The following EPHA7 variants were observed in gnomAD, a reference collection of about 807,000 sequenced individuals.
The protein encoded by EPHA7 is ephrin type-A receptor 7.
In EPHA7, 25 loss-of-function variants were observed where a neutral mutation model predicts 112.6. That is an observed-to-expected ratio of 0.22 (90% CI 0.16 to 0.31). The LOEUF (loss-of-function observed/expected upper bound fraction) is 0.31, where lower values mean the gene tolerates loss of function less well. Among genes scored for constraint, EPHA7 ranks in the 10% least tolerant of loss-of-function variants. The pLI is 1.00. For synonymous variants in EPHA7, 437 were observed against 406.5 expected, an observed-to-expected ratio of 1.07 and a Z score of -0.90; for missense variants, 962 against 1,212.6, an observed-to-expected ratio of 0.79 and a Z score of 3.07.
Position 93,255,946 on chromosome 6 carries a change from A to G in EPHA7, c.2264T>C (p.Val755Ala). The G allele has an allele frequency of 6.2e-7, 1 of 1,614,098 alleles. No individual in the cohort carries two copies. ...ATTGCGAGCTGCAAGGTCCCTGTGA[A>G]CATATCCCATATCAGCCAAATATCT... is the stretch of plus-strand genomic sequence containing the variant. ...GMRYLADMGY[V>A]HRDLAARNIL... Residue 755 changes from valine to alanine, a missense_variant, in exon 13 of 17, where the codon GTT becomes GCT. This residue lies in a region of EPHA7 where 746 missense variants were observed against 889.2 expected (regional missense o/e 0.84). Coordinates refer to ENST00000369303, the MANE Select transcript of EPHA7 (RefSeq NM_004440.4).
Position 93,258,217 on chromosome 6 carries a change from T to C in EPHA7, c.1992A>G (p.Ile664Met), listed in dbSNP as rs1770527266. The C allele has an allele frequency of 1.9e-6, 3 of 1,613,422 alleles. No homozygotes were observed. Among genetic ancestry groups the C allele is most frequent in the African/African-American group, 1.3e-5 (1 of 74,994 alleles). ...LPGKRDVAVA[I>M]KTLKVGYTEK... is the part of the protein sequence containing the mutation. ...CTGTGTAACCAACTTTCAGGGTTTT[T>C]ATGGCTACTGCAACATCTCTTTTCC... The change falls in exon 11 of 17, where the codon ATA (isoleucine) becomes ATG (methionine). Residue 664 changes from isoleucine to methionine, a missense_variant. By Grantham distance (10) the Ile-to-Met change is conservative. Around this residue, in one of 3 missense-constraint regions of EPHA7, gnomAD observed 746 missense variants for 889.2 expected, o/e 0.84. Coordinates refer to ENST00000369303, the MANE Select transcript of EPHA7 (RefSeq NM_004440.4).
At chr6:93,358,101 T>C (rs1292951670) in intron 4 of EPHA7, among the ~76,000 whole-genome samples, 155 bp downstream of exon 4, 2 of 152,162 alleles carry the variant, frequency 1.3e-5, no homozygotes, top group African/African-American at 4.8e-5. Flanking sequence ...TATCTGCTTA[T>C]GAAAGAAAAT....
chr6:93,263,007 A>G (rs113314777), intron 9 of EPHA7, among the ~76,000 whole-genome samples: 3 of 151,386 alleles, frequency 2.0e-5, no homozygotes, highest in African/African-American at 7.2e-5. Flanking sequence ...TGTCATGGGA[A>G]ATTTATCTAC....
intron 5 of EPHA7, among the ~76,000 whole-genome samples, chr6:93,333,605 T>C (rs570335809): frequency 6.6e-6 from 1 of 151,926 alleles, no homozygotes; most frequent in Non-Finnish European, 1.5e-5. Context: ...GCAATTCTGA[T>C]TTGCATTTCT....
intron 5 of EPHA7, among the ~76,000 whole-genome samples, chr6:93,283,474 CT>C (rs990652350): frequency 2.6e-5 from 4 of 152,112 alleles, no homozygotes; most frequent in Non-Finnish European, 4.4e-5. Context: ...GCTGCTCACT[CT>C]TTTGGGTCCA....
chr6:93,397,089 G>A (rs1202185363), intron 3 of EPHA7, among the ~76,000 whole-genome samples: 1 of 151,380 alleles, frequency 6.6e-6, no homozygotes, highest in African/African-American at 2.4e-5. Context: ...CAAAAGCTTT[G>A]TTCTAGATGT....
chr6:93,405,813 GTATATATATATATATATATATATA>G (rs60882775), intron 3 of EPHA7, among the ~76,000 whole-genome samples: 5 of 73,998 alleles, frequency 6.8e-5, no homozygotes, highest in East Asian at 6.1e-4. Context: ...GTGTGTGTGT[GTATATATATATATATATATATATA>G]TATATATATA....
chr6:93,388,665 G>C (rs1039920443), intron 3 of EPHA7, among the ~76,000 whole-genome samples: 3 of 152,104 alleles, frequency 2.0e-5, no homozygotes, highest in Non-Finnish European at 2.9e-5. Context: ...GGGGAGAATA[G>C]TGAAGGGTGA....
At chr6:93,378,285 T>C (rs1777160625) in intron 3 of EPHA7, among the ~76,000 whole-genome samples, 1 of 152,056 alleles carries the variant, frequency 6.6e-6, no homozygotes, top group Non-Finnish European at 1.5e-5. Context: ...GATGTTGTTT[T>C]TTCTAAGAGG....
At chr6:93,252,631 T>TA (rs1770265905) in intron 14 of EPHA7, among the ~76,000 whole-genome samples, 1 of 151,958 alleles carries the variant, frequency 6.6e-6, no homozygotes, top group Non-Finnish European at 1.5e-5. Flanking sequence ...TATTGAAAAT[T>TA]AAACATATAA....
intron 5 of EPHA7, among the ~76,000 whole-genome samples, chr6:93,301,927 A>T (rs1277668419): frequency 6.6e-6 from 1 of 152,144 alleles, no homozygotes; most frequent in Non-Finnish European, 1.5e-5. Flanking sequence ...GTCATCAGCA[A>T]AATCTTCACC....
At chr6:93,306,724 A>G (rs1363593315) in intron 5 of EPHA7, among the ~76,000 whole-genome samples, 1 of 152,158 alleles carries the variant, frequency 6.6e-6, no homozygotes, top group Non-Finnish European at 1.5e-5. Flanking sequence ...TAAATAATAC[A>G]TCTCCTATAA....
intron 3 of EPHA7, among the ~76,000 whole-genome samples, chr6:93,404,646 T>C (rs1778604652): frequency 6.8e-6 from 1 of 146,140 alleles, no homozygotes; most frequent in South Asian, 2.2e-4. Context: ...TACACACATG[T>C]TTAGAGAGAG....
intron 9 of EPHA7, chr6:93,260,611 A>G: frequency 1.0e-6 from 1 of 968,708 alleles, no homozygotes; most frequent in Non-Finnish European, 1.2e-6. Flanking sequence ...CATTAAAACT[A>G]TATTTTAAAA....
At chr6:93,348,835 T>C (rs1361639690) in intron 5 of EPHA7, among the ~76,000 whole-genome samples, 1 of 151,824 alleles carries the variant, frequency 6.6e-6, no homozygotes, top group African/African-American at 2.4e-5. Context: ...CCATCTACCC[T>C]GGGCCCAATA....
At chr6:93,399,496 T>A (rs2127988031) in intron 3 of EPHA7, among the ~76,000 whole-genome samples, 1 of 152,278 alleles carries the variant, frequency 6.6e-6, no homozygotes, top group East Asian at 1.9e-4. Context: ...ACAGGATTTT[T>A]TAGCCTCTTT....
At chr6:93,315,073 A>G (rs905629731) in intron 5 of EPHA7, among the ~76,000 whole-genome samples, 6 of 149,766 alleles carry the variant, frequency 4.0e-5, no homozygotes, top group Admixed American at 1.3e-4. Flanking sequence ...CGTGTTAGCC[A>G]GGATGGTCTC....
chr6:93,254,846 T>C, intron 13 of EPHA7, 50 bp from the exon 14 acceptor site: 1 of 1,493,392 alleles, frequency 6.7e-7, no homozygotes, highest in Middle Eastern at 1.8e-4. Context: ...AACTGATATA[T>C]TATTTATGGC....
chr6:93,380,859 C>T (rs748915146), intron 3 of EPHA7, among the ~76,000 whole-genome samples: 26 of 152,028 alleles, frequency 1.7e-4, no homozygotes, highest in Middle Eastern at 3.4e-3. Flanking sequence ...TATTAAAAAC[C>T]CTGTTTTTTC....
Sources: allele counts gnomAD v4.1 joint callset (sites outside exome capture counted in the v4.1 genomes callset), GRCh38; gene constraint gnomAD v4.1.1; regional missense constraint gnomAD v4.1.1; transcripts MANE v1.5; gene names NCBI Gene and HGNC (gene_info 2026-07-23, HGNC 2026-07-21).